RNASEH2B: variants seen among roughly 807,000 people sequenced by gnomAD.
RNASEH2B encodes Aicardi-Goutieres syndrome 2 protein.
In RNASEH2B, 36 loss-of-function variants were observed where a neutral mutation model predicts 45.0. That is an observed-to-expected ratio of 0.80 (90% CI 0.61 to 1.06). RNASEH2B has a LOEUF of 1.06. RNASEH2B is among the 50% of genes least tolerant of loss of function. The pLI is 0.00. For missense variants in RNASEH2B, 361 were observed against 360.3 expected, an observed-to-expected ratio of 1.00 and a Z score of -0.02; for synonymous variants, 119 against 125.7, an observed-to-expected ratio of 0.95 and a Z score of 0.35.
downstream of RNASEH2B, among the ~76,000 whole-genome samples, chr13:50,957,948 G>T (rs1455481704): frequency 6.6e-6 from 1 of 151,846 alleles, no homozygotes; most frequent in African/African-American, 2.4e-5. Flanking sequence ...CCTTTTAATG[G>T]GGTTATTTGT....
chr13:50,927,463 GT>G lies in RNASEH2B; in HGVS notation c.123del (p.Asn42ThrfsTer22). The G allele has an allele frequency of 6.3e-7, 1 of 1,598,766 alleles. No individual in the cohort carries two copies. Among genetic ancestry groups the G allele is most frequent in the Non-Finnish European group, 8.6e-7 (1 of 1,166,246 alleles). ...MKNGLMFVKL[V>X]NPCSGEGAIY... ...AAATGGGCTAATGTTTGTAAAACTG[GT>G]TAACCCCTGTTCAGGTAAGTTCTCT... On this transcript the variant is annotated frameshift_variant, in exon 2 of 11. Coordinates refer to ENST00000336617, the MANE Select transcript of RNASEH2B (RefSeq NM_024570.4). LOFTEE classifies it high-confidence loss of function.
At chr13:50,925,705 A>T (rs1324242027) in intron 1 of RNASEH2B, among the ~76,000 whole-genome samples, 1 of 152,120 alleles carries the variant, frequency 6.6e-6, no homozygotes, top group African/African-American at 2.4e-5. Flanking sequence ...ATCTGTTTAG[A>T]TGGGTTTTCT....
intron 4 of RNASEH2B, 197 bp downstream of exon 4, chr13:50,930,956 C>T: frequency 1.7e-6 from 1 of 595,314 alleles, no homozygotes; most frequent in East Asian, 2.9e-5. Flanking sequence ...GCACCTTACT[C>T]TTGATCCAGT....
intron 5 of RNASEH2B, chr13:50,942,377 A>G (rs1951843579): frequency 6.6e-6 from 1 of 152,198 alleles, no homozygotes; most frequent in Non-Finnish European, 1.5e-5. Context: ...AATAGCTATG[A>G]TTATGTTGGT....
chr13:50,954,460 G>A (rs547013621), intron 10 of RNASEH2B: 78 of 175,110 alleles, frequency 4.5e-4, no homozygotes, highest in African/African-American at 1.7e-3. Context: ...TCAGTTCTGG[G>A]CTTTTTATTT....
intron 9 of RNASEH2B, among the ~76,000 whole-genome samples, chr13:50,967,405 A>G (rs368307626): frequency 6.6e-6 from 1 of 152,250 alleles, no homozygotes; most frequent in African/African-American, 2.4e-5. Context: ...TTGGAAAGTA[A>G]TAACAAAGAC....
chr13:50,949,597 G>C, intron 9 of RNASEH2B, 92 bp downstream of exon 9: 1 of 1,197,238 alleles, frequency 8.4e-7, no homozygotes, highest in Non-Finnish European at 1.2e-6. Context: ...ATATTTTAAG[G>C]TGTACTAAAT....
intron 1 of RNASEH2B, chr13:50,911,474 T>C (rs1879390731): frequency 6.6e-6 from 1 of 152,258 alleles, no homozygotes; most frequent in South Asian, 2.1e-4. Flanking sequence ...AGGCGGCTTT[T>C]GGTAGACATG....
At chr13:50,914,661 G>T (rs1191649677) in intron 1 of RNASEH2B, among the ~76,000 whole-genome samples, 1 of 152,196 alleles carries the variant, frequency 6.6e-6, no homozygotes, top group South Asian at 2.1e-4. Context: ...TTCTGAAGTG[G>T]ATGGACTTCA....
downstream of RNASEH2B, among the ~76,000 whole-genome samples, chr13:50,960,924 T>C (rs1952106336): frequency 6.6e-6 from 1 of 152,202 alleles, no homozygotes; most frequent in Non-Finnish European, 1.5e-5. Flanking sequence ...TATAGTTTTC[T>C]TTAATCTGCA....
chr13:50,930,883 G>A, intron 4 of RNASEH2B, 124 bp downstream of exon 4: 6 of 796,052 alleles, frequency 7.5e-6, no homozygotes, highest in South Asian at 5.4e-5. Flanking sequence ...ATAGTGACTA[G>A]AGAAAACATG....
downstream of RNASEH2B, among the ~76,000 whole-genome samples, chr13:50,960,365 G>A (rs2138034905): frequency 6.6e-6 from 1 of 151,924 alleles, no homozygotes; most frequent in African/African-American, 2.4e-5. Flanking sequence ...ATATTACATG[G>A]GCTAGAATAT....
At chr13:50,945,114 C>G (rs751592686) in intron 6 of RNASEH2B, among the ~76,000 whole-genome samples, 2 of 152,144 alleles carry the variant, frequency 1.3e-5, no homozygotes, top group Non-Finnish European at 2.9e-5. Context: ...GGTTAAGTAA[C>G]TAGCCGTGGT....
chr13:50,943,535 A>G, intron 6 of RNASEH2B, 141 bp downstream of exon 6: 1 of 689,972 alleles, frequency 1.4e-6, no homozygotes, highest in South Asian at 1.6e-5. Flanking sequence ...GATACCAAGT[A>G]TGAGAAGAAG....
chr13:50,965,521 C>T (rs1056826196), intron 9 of RNASEH2B, among the ~76,000 whole-genome samples: 1 of 152,212 alleles, frequency 6.6e-6, no homozygotes, highest in Non-Finnish European at 1.5e-5. Flanking sequence ...ACCAACCAAT[C>T]CATCAATCCA....
At chr13:50,918,239 G>C (rs986211918) in intron 1 of RNASEH2B, among the ~76,000 whole-genome samples, 9 of 152,092 alleles carry the variant, frequency 5.9e-5, no homozygotes, top group Non-Finnish European at 8.8e-5. Flanking sequence ...CCAGGTTCAC[G>C]CCATTCTCCT....
intron 1 of RNASEH2B, 152 bp downstream of exon 1, chr13:50,910,292 TCA>T: frequency 2.0e-6 from 1 of 492,964 alleles, no homozygotes; most frequent in Non-Finnish European, 3.3e-6. Context: ...CGCATTTTGG[TCA>T]CACGTCATAG....
chr13:50,961,102 A>G (rs115582119), downstream of RNASEH2B, among the ~76,000 whole-genome samples: 1 of 152,200 alleles, frequency 6.6e-6, no homozygotes, highest in Non-Finnish European at 1.5e-5. Flanking sequence ...CAGGAATCAC[A>G]GTCTATCCCA....
In RNASEH2B at chr13:50,930,684, A is replaced by G. The variant is rs1951668614; in HGVS notation, c.246A>G (p.Gly82=). The G allele has an allele frequency of 1.9e-6, 3 of 1,608,788 alleles. No individual in the cohort carries two copies. In the African/African-American group the frequency reaches 4.0e-5, roughly 22 times the overall value. ...CTTCATCCTTTTTGTAATCTGCAGGAGGTCTTCTCCATTTTGCCACACCTG... is the reference window on the plus strand; with the variant it reads ...CTTCATCCTTTTTGTAATCTGCAGGGGGTCTTCTCCATTTTGCCACACCTG... The part of the protein sequence containing the change: ...SWFINQSVQS[G]GLLHFATPVD... The change falls in exon 4 of 11, where the codon GGA becomes GGG. Residue 82 remains glycine (G), a splice_region_variant and synonymous_variant. Transcript: ENST00000336617.
Sources: gnomAD v4.1 joint callset for allele counts (sites outside exome capture counted in the v4.1 genomes callset) on GRCh38, gnomAD v4.1.1 for gene constraint, MANE v1.5 for transcripts, NCBI Gene and HGNC (gene_info 2026-07-23, HGNC 2026-07-21) for gene names.